Variants in KCNH7 observed in about 807,000 individuals in gnomAD.
KCNH7 encodes potassium voltage-gated channel subfamily H member 7.
A neutral mutation model predicts 120.8 loss-of-function variants in KCNH7; 49 were observed. The observed-to-expected ratio is 0.41, with a 90% CI of 0.32 to 0.51. KCNH7 has a LOEUF of 0.51. Ranked by LOEUF, KCNH7 falls within the 20% of genes least tolerant of loss-of-function variation. The pLI is 0.38. For missense variants in KCNH7, 1,097 were observed against 1,446.6 expected, an observed-to-expected ratio of 0.76 and a Z score of 3.92; for synonymous variants, 547 against 516.1, an observed-to-expected ratio of 1.06 and a Z score of -0.81.
intron 2 of KCNH7, among the ~76,000 whole-genome samples, chr2:162,693,319 C>T (rs1216480700): frequency 1.3e-5 from 2 of 152,070 alleles, no homozygotes; most frequent in East Asian, 3.9e-4. Context: ...CTAGAAACAG[C>T]CTGGAAGATA....
intron 2 of KCNH7, among the ~76,000 whole-genome samples, chr2:162,721,038 C>A (rs1440568574): frequency 1.3e-5 from 2 of 152,058 alleles, no homozygotes; most frequent in Non-Finnish European, 2.9e-5. Flanking sequence ...GATACTAACG[C>A]TACGACTCAT....
At chr2:162,750,537 T>C (rs1212143297) in intron 2 of KCNH7, among the ~76,000 whole-genome samples, 2 of 152,140 alleles carry the variant, frequency 1.3e-5, no homozygotes, top group Non-Finnish European at 1.5e-5. Context: ...AAAGAATTAA[T>C]ATAAATTATA....
At chr2:162,820,209 T>TTTTGTGTGTG (rs1685065641) in intron 2 of KCNH7, among the ~76,000 whole-genome samples, 1 of 99,682 alleles carries the variant, frequency 1.0e-5, no homozygotes, top group Non-Finnish European at 2.0e-5. Context: ...CCGGCTAATT[T>TTTTGTGTGTG]TGTGTGTGTG....
intron 2 of KCNH7, among the ~76,000 whole-genome samples, chr2:162,586,019 C>A (rs956000611): frequency 6.6e-6 from 1 of 152,016 alleles, no homozygotes; most frequent in African/African-American, 2.4e-5. Flanking sequence ...TTCTGATTTT[C>A]TTCCCATATA....
intron 2 of KCNH7, among the ~76,000 whole-genome samples, chr2:162,818,309 T>G (rs1026153532): frequency 3.9e-5 from 6 of 152,014 alleles, no homozygotes; most frequent in Non-Finnish European, 8.8e-5. Context: ...GGGTCAATAT[T>G]TATTTATTCT....
intron 2 of KCNH7, among the ~76,000 whole-genome samples, chr2:162,821,482 T>C (rs1428403685): frequency 2.6e-5 from 4 of 152,230 alleles, no homozygotes; most frequent in Admixed American, 2.6e-4. Context: ...AATGAGTGGC[T>C]ACATTTTTAA....
chr2:162,617,773 T>C (rs1292609789), intron 2 of KCNH7, among the ~76,000 whole-genome samples: 2 of 152,186 alleles, frequency 1.3e-5, no homozygotes, highest in African/African-American at 2.4e-5. Flanking sequence ...ATTTCGTGAA[T>C]TGGATCTAAA....
chr2:162,625,349 AT>A (rs546628525), intron 2 of KCNH7, among the ~76,000 whole-genome samples: 33 of 152,176 alleles, frequency 2.2e-4, no homozygotes, highest in Non-Finnish European at 4.0e-4. Flanking sequence ...TCACAGAGTT[AT>A]TGTGAATATT....
chr2:162,384,666 C>T (rs1686522435), intron 13 of KCNH7, 22 bp downstream of exon 13: 1 of 1,609,620 alleles, frequency 6.2e-7, no homozygotes, highest in Non-Finnish European at 8.5e-7. Flanking sequence ...GAGAGACCAC[C>T]TGATGTCTAA....
chr2:162,582,107 G>A (rs1693889065), intron 2 of KCNH7, among the ~76,000 whole-genome samples: 1 of 152,010 alleles, frequency 6.6e-6, no homozygotes, highest in South Asian at 2.1e-4. Context: ...ACTTCCCCGT[G>A]CAGTCTGAGA....
At chr2:162,615,767 G>C (rs926527749) in intron 2 of KCNH7, among the ~76,000 whole-genome samples, 7 of 151,680 alleles carry the variant, frequency 4.6e-5, no homozygotes, top group African/African-American at 1.7e-4. Flanking sequence ...TTTTTTAATT[G>C]TGATCAGCAA....
At chr2:162,708,004 C>A (rs1160204067) in intron 2 of KCNH7, among the ~76,000 whole-genome samples, 1 of 151,928 alleles carries the variant, frequency 6.6e-6, no homozygotes, top group African/African-American at 2.4e-5. Context: ...CATCTACTTC[C>A]CATTTCTCTT....
chr2:162,568,500 C>A (rs1693337964), intron 2 of KCNH7, among the ~76,000 whole-genome samples: 1 of 151,972 alleles, frequency 6.6e-6, no homozygotes, highest in Admixed American at 6.6e-5. Flanking sequence ...CAATGTGTGA[C>A]TGTAATTTGT....
At chr2:162,506,744 A>G (rs79021338) in intron 5 of KCNH7, among the ~76,000 whole-genome samples, 1,980 of 151,902 alleles carry the variant, frequency 0.013, 52 homozygotes, top group African/African-American at 0.044. Context: ...ACAGAAAGAC[A>G]CTGTTAATCT....
rs1219510782 is a variant in KCNH7 at position 162,748,927 on chromosome 2, TTTCCTTCCTTCC to T, written c.307+87598_307+87609del. 6.9e-3 allele frequency among the ~76,000 whole-genome samples: 193 copies of T among 27,858 alleles called. 2 individuals are homozygous for T. Among genetic ancestry groups the T allele is most frequent in the African/African-American group, 0.016 (71 of 4,352 alleles). The allele number at this position is 27,858 out of a possible 152,430, so 18.3% of individuals were successfully genotyped here. On this transcript the variant is annotated intron_variant, in intron 2 of 15. Coordinates refer to ENST00000332142, the MANE Select transcript of KCNH7 (RefSeq NM_033272.4). ...CCTTCCTTCCTTCCCTTCCCTTTCC[TTTCCTTCCTTCC>T]TTCCTTCCTTCCTTCCTTCCTTCCT...
intron 2 of KCNH7, among the ~76,000 whole-genome samples, chr2:162,547,047 G>A (rs1692503860): frequency 6.6e-6 from 1 of 152,082 alleles, no homozygotes; most frequent in African/African-American, 2.4e-5. Flanking sequence ...CTGCATGGTT[G>A]GGGAGGCCTC....
chr2:162,416,309 G>A (rs1188429898), intron 9 of KCNH7, among the ~76,000 whole-genome samples: 1 of 151,050 alleles, frequency 6.6e-6, no homozygotes, highest in East Asian at 2.0e-4. Flanking sequence ...GGAGGTGGAA[G>A]TTGCAGTGAG....
chr2:162,389,667 G>T (rs1686684308), intron 12 of KCNH7, among the ~76,000 whole-genome samples: 1 of 151,994 alleles, frequency 6.6e-6, no homozygotes, highest in African/African-American at 2.4e-5. Context: ...ATATCAGCAA[G>T]AACTAATTTT....
In KCNH7 at chr2:162,400,215, T is replaced by A. The variant is rs139632449; in HGVS notation, c.2381A>T (p.Lys794Ile). The change falls in exon 10 of 16, where the codon AAA (lysine) becomes ATA (isoleucine). Residue 794 changes from lysine to isoleucine, a missense_variant. Around this residue, in one of 8 missense-constraint regions of KCNH7, gnomAD observed 101 missense variants for 176.3 expected, o/e 0.57. Transcript: ENST00000332142. ...CAGAATAGCCACCACAATGTCATCT[T>A]TGAGAATTTCAATGGAGCCTCTGGA... is the stretch of plus-strand genomic sequence containing the variant. ...FLSRGSIEIL[K>I]DDIVVAILGK... is the part of the protein sequence containing the mutation. 1.2e-6 allele frequency: 2 copies of A among 1,611,934 alleles called. No homozygotes were observed. The highest frequency in any genetic ancestry group is 2.2e-5 in the South Asian group (2 of 91,028).
Sources: allele counts gnomAD v4.1 joint callset (sites outside exome capture counted in the v4.1 genomes callset), GRCh38; gene constraint gnomAD v4.1.1; regional missense constraint gnomAD v4.1.1; transcripts MANE v1.5; gene names NCBI Gene and HGNC (gene_info 2026-07-23, HGNC 2026-07-21).